The following GALNT13 variants were observed in gnomAD, a reference collection of about 807,000 sequenced individuals.
GALNT13 encodes UDP-GalNAc:polypeptide N-acetylgalactosaminyltransferase 13.
Under a neutral mutation model 64.2 loss-of-function variants are expected in GALNT13, and 28 were observed. That is an observed-to-expected ratio of 0.44 (90% CI 0.32 to 0.60). GALNT13 has a LOEUF of 0.60. Among genes scored for constraint, GALNT13 ranks in the 20% least tolerant of loss-of-function variants. The pLI, the probability that GALNT13 is intolerant of heterozygous loss-of-function variation, is 0.05. For missense variants in GALNT13, 577 were observed against 669.8 expected, an observed-to-expected ratio of 0.86 and a Z score of 1.53; for synonymous variants, 214 against 224.6, an observed-to-expected ratio of 0.95 and a Z score of 0.42.
At chr2:153,303,518 T>C in the GALNT13 span, among the ~76,000 whole-genome samples, 1 of 152,210 alleles carries the variant, frequency 6.6e-6, no homozygotes, top group Non-Finnish European at 1.5e-5. Flanking sequence ...GTCAACTATT[T>C]TGCAATTTAG....
the GALNT13 span, chr2:153,478,483 C>T: frequency 1.2e-6 from 2 of 1,612,778 alleles, no homozygotes; most frequent in Admixed American, 1.7e-5. Flanking sequence ...GGTGCAGCAG[C>T]GCACGGCTCG....
chr2:153,436,120 T>C, the GALNT13 span, among the ~76,000 whole-genome samples: 5 of 152,214 alleles, frequency 3.3e-5, no homozygotes. Context: ...GTTTATATGC[T>C]GGATTATGTT....
At chr2:153,105,919 C>A in the GALNT13 span, among the ~76,000 whole-genome samples, 1 of 152,068 alleles carries the variant, frequency 6.6e-6, no homozygotes, top group Non-Finnish European at 1.5e-5. Context: ...TCTATGCTTT[C>A]TTTTTATTGA....
At chr2:153,920,527 A>T (rs1689682460) in intron 2 of GALNT13, among the ~76,000 whole-genome samples, 1 of 152,082 alleles carries the variant, frequency 6.6e-6, no homozygotes, top group African/African-American at 2.4e-5. Context: ...AACTGTAAAA[A>T]CCCTGGAAGA....
chr2:153,101,764 G>C, the GALNT13 span, among the ~76,000 whole-genome samples: 2 of 152,208 alleles, frequency 1.3e-5, no homozygotes, highest in Non-Finnish European at 2.9e-5. Context: ...TTCATCTAGA[G>C]CTGTTAAAAA....
chr2:153,291,900 A>T, the GALNT13 span, among the ~76,000 whole-genome samples: 1 of 152,114 alleles, frequency 6.6e-6, no homozygotes. Context: ...GTGTCTTTGC[A>T]TGCACGTGCA....
intron 9 of GALNT13, among the ~76,000 whole-genome samples, chr2:154,318,584 G>A (rs895865805): frequency 1.9e-4 from 29 of 152,140 alleles, no homozygotes; most frequent in African/African-American, 6.7e-4. Context: ...AATTAGCCAG[G>A]CATGGTGGCA....
the GALNT13 span, among the ~76,000 whole-genome samples, chr2:153,128,702 T>C: frequency 6.6e-6 from 1 of 152,214 alleles, no homozygotes; most frequent in Non-Finnish European, 1.5e-5. Context: ...TTCATGCTGC[T>C]GATAAAGACA....
chr2:154,151,254 T>A (rs548748253), intron 4 of GALNT13, among the ~76,000 whole-genome samples: 128 of 152,320 alleles, frequency 8.4e-4, no homozygotes, highest in Non-Finnish European at 1.5e-3. Context: ...GTGCGTTTTT[T>A]AATCCTCAGT....
the GALNT13 span, among the ~76,000 whole-genome samples, chr2:153,309,907 A>G: frequency 2.6e-5 from 4 of 152,164 alleles, no homozygotes; most frequent in Non-Finnish European, 5.9e-5. Context: ...TTGTACATTC[A>G]GAATTTAGAA....
intron 4 of GALNT13, among the ~76,000 whole-genome samples, chr2:154,153,296 C>G (rs568871676): frequency 8.7e-5 from 13 of 149,426 alleles, no homozygotes; most frequent in Admixed American, 3.3e-4. Context: ...CTGGAAGTGT[C>G]TCAGAGGAGT....
chr2:153,169,363 T>G, the GALNT13 span, among the ~76,000 whole-genome samples: 1 of 152,226 alleles, frequency 6.6e-6, no homozygotes, highest in African/African-American at 2.4e-5. Context: ...AAGGGAGGCT[T>G]TAGGATGGCC....
At chr2:153,356,432 G>A in the GALNT13 span, 1 of 152,122 alleles carries the variant, frequency 6.6e-6, no homozygotes, top group South Asian at 2.1e-4. Context: ...GACTGTGTCT[G>A]GTAACTATCT....
chr2:153,669,117 T>C, the GALNT13 span, among the ~76,000 whole-genome samples: 2 of 152,106 alleles, frequency 1.3e-5, no homozygotes, highest in African/African-American at 2.4e-5. Flanking sequence ...GCTCCTGCAC[T>C]GTAAGGCCAT....
the GALNT13 span, among the ~76,000 whole-genome samples, chr2:153,428,737 C>T: frequency 6.6e-5 from 10 of 152,084 alleles, no homozygotes; most frequent in Non-Finnish European, 1.3e-4. Flanking sequence ...TAGTAGCCAT[C>T]AGTTGACAGC....
chr2:153,631,015 G>A, the GALNT13 span, among the ~76,000 whole-genome samples: 2 of 151,090 alleles, frequency 1.3e-5, no homozygotes, highest in South Asian at 2.1e-4. Context: ...CTGTGTCCAA[G>A]TGTTCTGATT....
chr2:154,392,941 A>G (rs1294901828), intron 9 of GALNT13, among the ~76,000 whole-genome samples: 4 of 152,206 alleles, frequency 2.6e-5, no homozygotes, highest in Non-Finnish European at 5.9e-5. Flanking sequence ...GCCAACAGGA[A>G]TTCCTAATGA....
chr2:153,632,717 A>G, the GALNT13 span, among the ~76,000 whole-genome samples: 1 of 151,906 alleles, frequency 6.6e-6, no homozygotes, highest in Non-Finnish European at 1.5e-5. Flanking sequence ...GTGTTTTTTC[A>G]TGATTTGATA....
the GALNT13 span, among the ~76,000 whole-genome samples, chr2:153,631,829 AC>A: frequency 7.2e-5 from 11 of 152,064 alleles, no homozygotes; most frequent in South Asian, 4.2e-4. Flanking sequence ...CCATTTGTCA[AC>A]TTTGTCTTTT....
Sources: gnomAD v4.1 joint callset for allele counts (sites outside exome capture counted in the v4.1 genomes callset) on GRCh38, gnomAD v4.1.1 for gene constraint, MANE v1.5 for transcripts, NCBI Gene and HGNC (gene_info 2026-07-23, HGNC 2026-07-21) for gene names.